Variants in PGF observed in about 807,000 individuals in gnomAD.
The protein encoded by PGF is placental growth factor.
In PGF, 11 loss-of-function variants were observed where a neutral mutation model predicts 25.3. The ratio of observed to expected loss-of-function variants is 0.43; its 90% CI spans 0.27 to 0.72. PGF has a LOEUF of 0.72. Ranked by LOEUF, PGF falls within the 30% of genes least tolerant of loss-of-function variation. The probability of loss-of-function intolerance (pLI) is 0.18; values close to 1 mark genes in which losing one functional copy is unlikely to be tolerated. For missense variants in PGF, 230 were observed against 234.9 expected (o/e 0.98, Z 0.14); for synonymous variants, 105 against 97.9 (o/e 1.07, Z -0.43).
At chr14:74,946,851 G>A (rs957111116) in intron 4 of PGF, 5 of 760,182 alleles carry the variant, frequency 6.6e-6, no homozygotes, top group African/African-American at 3.4e-5. Context: ...CACTCCATCC[G>A]GAACAACATG....
Position 74,946,261 on chromosome 14 carries a change from C to A in PGF, c.437G>T (p.Gly146Val), listed in dbSNP as rs1888731004. The A allele has an allele frequency of 6.2e-7, 1 of 1,614,082 alleles. No individual in the cohort carries two copies. The highest frequency in any genetic ancestry group is 1.3e-5 in the African/African-American group (1 of 74,938). Reference sequence around the variant, plus strand: ...CTTCTCTCTCCTCCTCTTCCCCCTGCCCTTGGGTCTCCTCCTGCAATAAGC... The same window carrying A: ...CTTCTCTCTCCTCCTCTTCCCCCTGACCTTGGGTCTCCTCCTGCAATAAGC... ...KMKPERRRPK[G>V]RGKRRREKQR... The change falls in exon 6 of 7, where the codon GGC becomes GTC. Residue 146 changes from glycine to valine, a missense_variant. Coordinates refer to ENST00000555567, the MANE Select transcript of PGF (RefSeq NM_002632.6).
intron 6 of PGF, chr14:74,945,972 G>C (rs1156993173): frequency 3.6e-6 from 2 of 561,100 alleles, no homozygotes; most frequent in Admixed American, 3.0e-5. Context: ...AGAAAAGCTA[G>C]GCTGACAAAG....
At chr14:74,954,234 G>C (rs2140410805) in intron 1 of PGF, 1 of 453,306 alleles carries the variant, frequency 2.2e-6, no homozygotes, top group East Asian at 3.9e-5. Context: ...TTCCAATCCT[G>C]CGGGTCTGCC....
In PGF at chr14:74,946,366, C is replaced by A; in HGVS notation, c.422+13G>T. On this transcript the variant is annotated intron_variant, in intron 5 of 6. Transcript: ENST00000555567. ...GCCCGAGAATAGCCCCGAGCCCCAG[C>A]CAAACCACTTACCTTTCCGGCTTCA... The A allele has an allele frequency of 1.2e-6, 2 of 1,613,350 alleles. No homozygotes were observed. Among genetic ancestry groups the A allele is most frequent in the Non-Finnish European group, 1.7e-6 (2 of 1,179,492 alleles).
chr14:74,948,114 C>G (rs759059), intron 4 of PGF: 166,424 of 171,006 alleles, frequency 0.97, 81,033 homozygotes, highest in East Asian at 1. Flanking sequence ...ACACAGCTTG[C>G]CCCAGAACGA....
chr14:74,946,998 G>A, intron 4 of PGF: 2 of 637,106 alleles, frequency 3.1e-6, no homozygotes, highest in Non-Finnish European at 5.7e-6. Flanking sequence ...CTGGCCCCTG[G>A]CAGGGGATAG....
chr14:74,944,165 T>C (rs986455644), intron 6 of PGF, among the ~76,000 whole-genome samples: 81 of 149,062 alleles, frequency 5.4e-4, no homozygotes, highest in African/African-American at 1.1e-3. Context: ...TGCAGTGGCG[T>C]GATCTCGGCT....
At chr14:74,948,351 C>T (rs916921302) in intron 4 of PGF, 156 bp downstream of exon 4, 4 of 515,320 alleles carry the variant, frequency 7.8e-6, no homozygotes, top group African/African-American at 3.9e-5. Flanking sequence ...GGTAGCCACC[C>T]CTGGTCCTGC....
chr14:74,955,519 C>T lies in PGF; in HGVS notation c.-277G>A. On this transcript the variant is annotated 5_prime_UTR_variant, in exon 1 of 7. Transcript: ENST00000555567. The surrounding 1 kb of genome is among the most constrained non-coding windows in gnomAD (Gnocchi z 4.1). ...GTCCCGGGGATGGTCCGTCGGGCGC[C>T]CAGTGCCACTCCAGGTCCTCCCGTA... 1 of 358,020 alleles carries T rather than the reference C, an allele frequency of 2.8e-6. No homozygotes were observed. 22.2% of individuals were successfully genotyped at this position (358,020 alleles called of 1,614,324 possible).
chr14:74,955,090 T>C lies in PGF; in HGVS notation c.75+78A>G, dbSNP rs1393630081. On this transcript the variant is annotated intron_variant, in intron 1 of 6. Transcript: ENST00000555567. This position sits in a 1 kb window ranked among gnomAD's most constrained non-coding sequence, Gnocchi z 4.1. Reference sequence around the variant, plus strand: ...GAGTTGCTGCTCCCTGGAGTGGGTCTGTGATTTCAGAGTCCCATGCTTCCA... The same window carrying C: ...GAGTTGCTGCTCCCTGGAGTGGGTCCGTGATTTCAGAGTCCCATGCTTCCA... 14 of 751,992 alleles carry C rather than the reference T, an allele frequency of 1.9e-5. No individual in the cohort carries two copies. The highest frequency in any genetic ancestry group is 3.8e-5 in the Admixed American group (1 of 26,524). The allele number at this position is 751,992 out of a possible 1,614,324, so 46.6% of individuals were successfully genotyped here.
At chr14:74,951,302 A>C (rs1275645739) in intron 2 of PGF, among the ~76,000 whole-genome samples, 1 of 152,150 alleles carries the variant, frequency 6.6e-6, no homozygotes, top group Non-Finnish European at 1.5e-5. Flanking sequence ...ACCCAGTGGG[A>C]AACAAGGCCT....
intron 6 of PGF, among the ~76,000 whole-genome samples, chr14:74,943,821 T>C (rs1888655624): frequency 6.6e-6 from 1 of 152,336 alleles, no homozygotes; most frequent in Middle Eastern, 3.4e-3. Context: ...ATGGTGCTAC[T>C]AAGAATTATT....
At position 74,953,998 on chromosome 14, in the gene PGF, C is replaced by A; in HGVS notation, c.76-52G>T. ...GCTGGGGGTACCTTGGAGCTCTGCACTCTTGGGCCAAGTGTGATGGCAAGA... is the reference window on the plus strand; with the variant it reads ...GCTGGGGGTACCTTGGAGCTCTGCAATCTTGGGCCAAGTGTGATGGCAAGA... On this transcript the variant is annotated intron_variant, in intron 1 of 6. Transcript: ENST00000555567. This position sits in a 1 kb window ranked among gnomAD's most constrained non-coding sequence, Gnocchi z 5.4. 6.3e-7 allele frequency: 1 copy of A among 1,588,056 alleles called. No individual in the cohort carries two copies. The highest frequency in any genetic ancestry group is 8.6e-7 in the Non-Finnish European group (1 of 1,157,598).
At position 74,942,479 on chromosome 14, in the gene PGF, C is replaced by A; in HGVS notation, c.*227G>T. On this transcript the variant is annotated 3_prime_UTR_variant, in exon 7 of 7. Transcript: ENST00000555567. ...TGTCTTGCTTCTTTCAAAGCGGAAG[C>A]TCCCAGGGGTCTGTGGCTGGCTTCT... 1.8e-6 allele frequency: 1 copy of A among 561,312 alleles called. No homozygotes were observed. The highest frequency in any genetic ancestry group is 3.1e-6 in the Non-Finnish European group (1 of 318,692). The allele number at this position is 561,312 out of a possible 1,614,324, so 34.8% of individuals were successfully genotyped here.
intron 6 of PGF, 147 bp from the exon 7 acceptor site, chr14:74,942,880 C>T (rs917025250): frequency 1.4e-5 from 9 of 647,988 alleles, no homozygotes; most frequent in Non-Finnish European, 2.3e-5. Flanking sequence ...CTGCTTGCTT[C>T]AAGCTGAGGA....
In PGF at chr14:74,949,355, A is replaced by C. The variant is rs892798550; in HGVS notation, c.315+2T>G. 6.4e-7 allele frequency: 1 copy of C among 1,557,856 alleles called. No individual in the cohort carries two copies. The highest frequency in any genetic ancestry group is 8.7e-7 in the Non-Finnish European group (1 of 1,149,152). ...GGCCCCCTGGGCAGGGTATGGACCT[A>C]CCTGCATGGTGACATTGGCCGTCTC... On this transcript the variant is annotated splice_donor_variant, in intron 3 of 6. Transcript: ENST00000555567. LOFTEE classifies it high-confidence loss of function.
In PGF at chr14:74,950,188, C is replaced by A. The variant is rs1284378960; in HGVS notation, c.119-635G>T. Among the ~76,000 whole-genome samples the A allele has an allele frequency of 6.6e-6, 1 of 152,180 alleles. No homozygotes were observed. ...CAGCTGCTCTTCTTCCCCCTCCTCT[C>A]ATTTCTATCCAAATAAAGTCCACCC... On this transcript the variant is annotated intron_variant, in intron 2 of 6. Transcript: ENST00000555567. The surrounding 1 kb of genome is among the most constrained non-coding windows in gnomAD (Gnocchi z 4.1).
In PGF at chr14:74,945,983, G is replaced by A. The variant is rs1218498520; in HGVS notation, c.485+230C>T. 6 of 569,350 alleles carry A rather than the reference G, an allele frequency of 1.1e-5. No homozygotes were observed. In the Admixed American group the frequency reaches 1.2e-4, roughly 11 times the overall value. 35.3% of individuals were successfully genotyped at this position (569,350 alleles called of 1,614,324 possible). ...ACAGAGAAAAGCTAGGCTGACAAAG[G>A]TGAAATGATTTGTTGAAGGTCAATG... On this transcript the variant is annotated intron_variant, in intron 6 of 6. Transcript: ENST00000555567.
chr14:74,948,721 C>T (rs933629728), intron 3 of PGF, 138 bp from the exon 4 acceptor site: 11 of 526,284 alleles, frequency 2.1e-5, no homozygotes, highest in South Asian at 5.7e-5. Flanking sequence ...CCACTCTGAA[C>T]GTGGGGCAAA....
Sources: allele counts gnomAD v4.1 joint callset (sites outside exome capture counted in the v4.1 genomes callset), GRCh38; gene constraint gnomAD v4.1.1; non-coding constraint Gnocchi (gnomAD v3.1); transcripts MANE v1.5; gene names NCBI Gene and HGNC (gene_info 2026-07-23, HGNC 2026-07-21).